PNPLA7: variants seen among roughly 807,000 people sequenced by gnomAD.
PNPLA7 encodes patatin-like phospholipase domain-containing protein 7.
Under a neutral mutation model 161.7 loss-of-function variants are expected in PNPLA7, and 153 were observed. The observed-to-expected ratio is 0.95, with a 90% CI of 0.83 to 1.08. The LOEUF (loss-of-function observed/expected upper bound fraction) is 1.08. Among genes scored for constraint, PNPLA7 ranks in the 50% least tolerant of loss-of-function variants. The probability of loss-of-function intolerance (pLI) is 0.00; values close to 1 mark genes in which losing one functional copy is unlikely to be tolerated. For missense variants in PNPLA7, 1,739 were observed against 1,856.6 expected, an observed-to-expected ratio of 0.94 and a Z score of 1.16; for synonymous variants, 809 against 782.1, an observed-to-expected ratio of 1.03 and a Z score of -0.57.
chr9:137,522,980 C>T (rs968256202), intron 8 of PNPLA7, 123 bp from the exon 9 acceptor site: 30 of 1,381,934 alleles, frequency 2.2e-5, no homozygotes, highest in Non-Finnish European at 2.9e-5. Context: ...CTCCATTCTC[C>T]CTCCCAGGCT....
intron 21 of PNPLA7, among the ~76,000 whole-genome samples, chr9:137,483,774 A>G (rs543366138): frequency 8.5e-5 from 13 of 152,248 alleles, no homozygotes; most frequent in Non-Finnish European, 1.3e-4. Flanking sequence ...ACTTATAAGT[A>G]TTCGATGTTT....
intron 21 of PNPLA7, among the ~76,000 whole-genome samples, chr9:137,482,700 G>A (rs1047992572): frequency 1.3e-5 from 2 of 152,222 alleles, no homozygotes; most frequent in Admixed American, 6.5e-5. Flanking sequence ...GGGCACGGAC[G>A]GGCTGCTGGG....
chr9:137,473,527 C>T (rs1831807571), intron 25 of PNPLA7, among the ~76,000 whole-genome samples: 1 of 152,120 alleles, frequency 6.6e-6, no homozygotes, highest in African/African-American at 2.4e-5. Context: ...GAAGAAAAGC[C>T]AAGACTGAGG....
intron 22 of PNPLA7, chr9:137,480,691 C>T (rs748915713): frequency 6.9e-6 from 5 of 728,392 alleles, no homozygotes; most frequent in East Asian, 2.7e-5. Flanking sequence ...GGCTGAGGCT[C>T]GTTGAGGGGC....
intron 9 of PNPLA7, 49 bp from the exon 10 acceptor site, chr9:137,521,765 G>T (rs753419605): frequency 6.5e-7 from 1 of 1,538,842 alleles, no homozygotes; most frequent in Non-Finnish European, 8.9e-7. Flanking sequence ...GGGGTACAGG[G>T]CGGGCCCCCG....
Position 137,479,120 on chromosome 9 carries a change from C to T in PNPLA7, c.2699G>A (p.Cys900Tyr). ...TVEWLNMRSW[C>Y]SGHLHLCCPR... The stretch of plus-strand genomic sequence containing the variant: ...GCAGCAGAGGTGCAGGTGGCCGGAG[C>T]ACCAGCTCCGCATGTTGAGCCACTC... Residue 900 changes from cysteine to tyrosine, a missense_variant, in exon 24 of 35, where the codon TGC becomes TAC. Cys to Tyr is a radical substitution (Grantham distance 194). Around this residue, in one of 6 missense-constraint regions of PNPLA7, gnomAD observed 703 missense variants for 694.6 expected, o/e 1.01. Coordinates refer to ENST00000406427, the MANE Select transcript of PNPLA7 (RefSeq NM_001098537.3). The T allele has an allele frequency of 6.3e-7, 1 of 1,598,234 alleles. No individual in the cohort carries two copies. The highest frequency in any genetic ancestry group is 1.1e-5 in the South Asian group (1 of 88,584).
chr9:137,527,362 T>A (rs1414304343), intron 8 of PNPLA7, among the ~76,000 whole-genome samples: 2 of 152,170 alleles, frequency 1.3e-5, no homozygotes, highest in Non-Finnish European at 2.9e-5. Context: ...ATATTCAGTC[T>A]TTCACGATCA....
intron 8 of PNPLA7, among the ~76,000 whole-genome samples, chr9:137,529,346 C>A (rs1196303391): frequency 2.0e-5 from 3 of 152,188 alleles, no homozygotes; most frequent in African/African-American, 2.4e-5. Flanking sequence ...GTTTTTCCTG[C>A]AGACACCATA....
At chr9:137,539,821 C>T (rs769687009) in intron 8 of PNPLA7, among the ~76,000 whole-genome samples, 13 of 152,128 alleles carry the variant, frequency 8.5e-5, no homozygotes, top group Non-Finnish European at 8.8e-5. Context: ...GTTTCACTCT[C>T]GCTGCCTAGG....
chr9:137,496,799 T>C (rs543814116), intron 18 of PNPLA7, among the ~76,000 whole-genome samples: 5 of 152,144 alleles, frequency 3.3e-5, no homozygotes, highest in Non-Finnish European at 7.4e-5. Context: ...AGCCCCCCAC[T>C]CGCTCAGGAT....
chr9:137,535,371 G>A (rs1382606916), intron 8 of PNPLA7, among the ~76,000 whole-genome samples: 3 of 152,196 alleles, frequency 2.0e-5, no homozygotes, highest in African/African-American at 7.2e-5. Context: ...AACTCAGGGA[G>A]CAAAAGAAAA....
At chr9:137,534,454 A>T (rs937757243) in intron 8 of PNPLA7, among the ~76,000 whole-genome samples, 1 of 150,124 alleles carries the variant, frequency 6.7e-6, no homozygotes, top group African/African-American at 2.5e-5. Flanking sequence ...GCACTCCCAG[A>T]CTCCTCCCCA....
chr9:137,543,500 G>A lies in PNPLA7; in HGVS notation c.438C>T (p.Asp146=), dbSNP rs1261355297. 5 of 1,614,122 alleles carry A rather than the reference G, an allele frequency of 3.1e-6. No individual in the cohort carries two copies. The highest frequency in any genetic ancestry group is 4.2e-6 in the Non-Finnish European group (5 of 1,180,020). Reference sequence around the variant, plus strand: ...AATTCTTCACGTCAAACTCCGTGAGGTCGGCCTCCAGCAGGGAGGGCGGGG... The same window carrying A: ...AATTCTTCACGTCAAACTCCGTGAGATCGGCCTCCAGCAGGGAGGGCGGGG... ...KEPPPSLLEA[D]LTEFDVKNSH... Residue 146 remains aspartate (D), a synonymous_variant, in exon 6 of 35, where the codon GAC becomes GAT. Coordinates refer to ENST00000406427, the MANE Select transcript of PNPLA7 (RefSeq NM_001098537.3). The surrounding 1 kb of genome is among the most constrained non-coding windows in gnomAD (Gnocchi z 6.9).
At chr9:137,461,885 G>C in intron 32 of PNPLA7, 46 bp downstream of exon 32, 1 of 1,453,184 alleles carries the variant, frequency 6.9e-7, no homozygotes, top group East Asian at 2.5e-5. Flanking sequence ...CCGAAGAACT[G>C]GGCGCGGTCC....
At position 137,478,076 on chromosome 9, in the gene PNPLA7, G is replaced by A. The variant is rs1026559922; in HGVS notation, c.2840C>T (p.Thr947Met). The change falls in exon 25 of 35, where the codon ACG (threonine) becomes ATG (methionine). Residue 947 changes from threonine (T) to methionine (M), a missense_variant. By Grantham distance (81) the Thr-to-Met change is moderately conservative. Coordinates refer to ENST00000406427, the MANE Select transcript of PNPLA7 (RefSeq NM_001098537.3). Reference protein sequence around the residue: ...SDFSRLARVLTGNAIALVLGG... With the variant: ...SDFSRLARVLMGNAIALVLGG... ...AAGCACCAGGGCAATGGCGTTGCCC[G>A]TCAGCACCCTCGCCAGGCGGGAGAA... 9 of 1,405,924 alleles carry A rather than the reference G, an allele frequency of 6.4e-6. No homozygotes were observed. Among genetic ancestry groups the A allele is most frequent in the South Asian group, 1.7e-5 (1 of 59,058 alleles). The allele number at this position is 1,405,924 out of a possible 1,614,324, so 87.1% of individuals were successfully genotyped here.
intron 11 of PNPLA7, among the ~76,000 whole-genome samples, chr9:137,517,968 TCA>T (rs1834712163): frequency 2.1e-5 from 1 of 46,546 alleles, no homozygotes; most frequent in African/African-American, 7.4e-5. Flanking sequence ...TCCACTCTGC[TCA>T]CTCCATCCCC....
intron 8 of PNPLA7, among the ~76,000 whole-genome samples, chr9:137,532,891 A>G (rs570710481): frequency 6.6e-6 from 1 of 152,196 alleles, no homozygotes; most frequent in Non-Finnish European, 1.5e-5. Context: ...AACAGTGTCC[A>G]CTCCAGACGG....
In PNPLA7 at chr9:137,497,008, C is replaced by A. The variant is rs146505234; in HGVS notation, c.2013+179G>T. Among the ~76,000 whole-genome samples the A allele has an allele frequency of 1.2e-3, 181 of 152,230 alleles. 1 individual carries two copies. Among genetic ancestry groups the A allele is most frequent in the African/African-American group, 4.0e-3 (166 of 41,550 alleles). ...CACAGCAAAGCAGCCGCGGGGAGTC[C>A]CCCCAATGGAGGCAGAGCCCGGGGC... On this transcript the variant is annotated intron_variant, in intron 18 of 34. Transcript: ENST00000406427.
intron 14 of PNPLA7, among the ~76,000 whole-genome samples, chr9:137,504,507 T>G (rs531900087): frequency 1.3e-5 from 2 of 152,294 alleles, no homozygotes; most frequent in African/African-American, 4.8e-5. Context: ...CCACCACTCC[T>G]GGCCAGAAAA....
Sources: allele counts gnomAD v4.1 joint callset (sites outside exome capture counted in the v4.1 genomes callset), GRCh38; gene constraint gnomAD v4.1.1; regional missense constraint gnomAD v4.1.1; non-coding constraint Gnocchi (gnomAD v3.1); transcripts MANE v1.5; gene names NCBI Gene and HGNC (gene_info 2026-07-23, HGNC 2026-07-21).